The following ADAMTS19 variants were observed in gnomAD, a reference collection of about 807,000 sequenced individuals.
The protein encoded by ADAMTS19 is ADAM metallopeptidase with thrombospondin type 1 motif 19.
Under a neutral mutation model 153.3 loss-of-function variants are expected in ADAMTS19, and 93 were observed. The ratio of observed to expected loss-of-function variants is 0.61; its 90% CI spans 0.51 to 0.72. The LOEUF (loss-of-function observed/expected upper bound fraction) is 0.72, where lower values mean the gene tolerates loss of function less well. Ranked by LOEUF, ADAMTS19 falls within the 30% of genes least tolerant of loss-of-function variation. ADAMTS19 has a pLI of 0.00. For synonymous variants in ADAMTS19, 600 were observed against 556.6 expected, an observed-to-expected ratio of 1.08 and a Z score of -1.10; for missense variants, 1,482 against 1,552.1, an observed-to-expected ratio of 0.95 and a Z score of 0.76.
intron 15 of ADAMTS19, among the ~76,000 whole-genome samples, chr5:129,659,860 T>A (rs1216810846): frequency 6.6e-6 from 1 of 152,202 alleles, no homozygotes; most frequent in Non-Finnish European, 1.5e-5. Flanking sequence ...AGTGCTGAGA[T>A]TATAGGCATG....
In ADAMTS19 at chr5:129,651,078, T is replaced by C. The variant is rs77827053; in HGVS notation, c.2176+2108T>C. ...TGTGTTGTTAACACCTACCCGGCTTTCCTACTACATCTCTGGTATGTTCTC... is the reference window on the plus strand; with the variant it reads ...TGTGTTGTTAACACCTACCCGGCTTCCCTACTACATCTCTGGTATGTTCTC... On this transcript the variant is annotated intron_variant, in intron 13 of 22. Transcript: ENST00000274487. Among the ~76,000 whole-genome samples, 109 of 152,326 alleles carry C rather than the reference T, an allele frequency of 7.2e-4. 1 individual carries two copies. In the East Asian group the frequency reaches 0.02, roughly 28 times the overall value.
chr5:129,631,299 G>T (rs2127000756), intron 10 of ADAMTS19, among the ~76,000 whole-genome samples: 1 of 149,182 alleles, frequency 6.7e-6, no homozygotes, highest in East Asian at 2.0e-4. Flanking sequence ...CCAGGTGAAT[G>T]TTCTATATGC....
intron 8 of ADAMTS19, among the ~76,000 whole-genome samples, chr5:129,614,740 C>G (rs1361585345): frequency 6.6e-6 from 1 of 152,064 alleles, no homozygotes; most frequent in East Asian, 1.9e-4. Context: ...AAGAGGAAGT[C>G]AAATTGTCCC....
intron 8 of ADAMTS19, among the ~76,000 whole-genome samples, chr5:129,612,009 A>G (rs1216636012): frequency 6.6e-6 from 1 of 151,932 alleles, no homozygotes; most frequent in African/African-American, 2.4e-5. Flanking sequence ...GTTTTAGGGT[A>G]CATGTGCACA....
At chr5:129,697,083 T>G (rs1427818774) in intron 19 of ADAMTS19, among the ~76,000 whole-genome samples, 4 of 152,276 alleles carry the variant, frequency 2.6e-5, no homozygotes, top group South Asian at 4.1e-4. Flanking sequence ...TAAAATAGTT[T>G]GGTTTCTTTG....
chr5:129,660,047 G>C (rs1002278352), intron 15 of ADAMTS19, among the ~76,000 whole-genome samples: 3 of 152,176 alleles, frequency 2.0e-5, no homozygotes, highest in Non-Finnish European at 4.4e-5. Context: ...CGAGAAAACA[G>C]TTCATTCCAG....
intron 13 of ADAMTS19, among the ~76,000 whole-genome samples, chr5:129,651,614 T>C (rs1479613606): frequency 6.6e-6 from 1 of 152,166 alleles, no homozygotes; most frequent in Non-Finnish European, 1.5e-5. Flanking sequence ...TCTTTATTTA[T>C]TTACCTTGAA....
In ADAMTS19 at chr5:129,500,076, C is replaced by T. The variant is rs1751048856; in HGVS notation, c.748-9001C>T. On this transcript the variant is annotated intron_variant, in intron 2 of 22. Coordinates refer to ENST00000274487, the MANE Select transcript of ADAMTS19 (RefSeq NM_133638.6). ...TTCTGGTAAATTTAGTCACAAAATT[C>T]TGGATTTAATCTTTCAAGTATTTAT... Among the ~76,000 whole-genome samples, 3 of 152,176 alleles carry T rather than the reference C, an allele frequency of 2.0e-5. No homozygotes were observed. In the South Asian group the frequency reaches 6.2e-4, roughly 32 times the overall value.
At chr5:129,508,467 C>A (rs1052172693) in intron 2 of ADAMTS19, among the ~76,000 whole-genome samples, 1 of 151,840 alleles carries the variant, frequency 6.6e-6, no homozygotes, top group Non-Finnish European at 1.5e-5. Flanking sequence ...ACAGTTTCAA[C>A]CCTCTGTCTC....
intron 21 of ADAMTS19, among the ~76,000 whole-genome samples, chr5:129,710,054 C>A (rs1312584511): frequency 6.6e-6 from 1 of 151,832 alleles, no homozygotes; most frequent in Non-Finnish European, 1.5e-5. Flanking sequence ...TACTGGTTTG[C>A]CGCACTATCA....
rs374401005 is a variant in ADAMTS19 at position 129,683,358 on chromosome 5, G to A, written c.2665-762G>A. ...CCCTGCATATAGTTCAGTCCAACGTGTAGCCCCATATTCAGTCGTTTTCAT... is the reference window on the plus strand; with the variant it reads ...CCCTGCATATAGTTCAGTCCAACGTATAGCCCCATATTCAGTCGTTTTCAT... On this transcript the variant is annotated intron_variant, in intron 17 of 22. Transcript: ENST00000274487. 1.2e-4 allele frequency among the ~76,000 whole-genome samples: 19 copies of A among 152,038 alleles called. No homozygotes were observed. The South Asian group carries it at 4.0e-3, about 32-fold the overall frequency.
At chr5:129,703,705 C>T (rs960235192) in intron 20 of ADAMTS19, among the ~76,000 whole-genome samples, 10 of 152,096 alleles carry the variant, frequency 6.6e-5, no homozygotes, top group East Asian at 1.9e-4. Context: ...GCACTCCAAC[C>T]GGGGCGACAG....
chr5:129,638,422 T>C (rs1187913731), intron 10 of ADAMTS19, among the ~76,000 whole-genome samples: 1 of 152,116 alleles, frequency 6.6e-6, no homozygotes, highest in Non-Finnish European at 1.5e-5. Context: ...ATGCCCTCAT[T>C]TGTTATTCCT....
intron 7 of ADAMTS19, 100 bp downstream of exon 7, chr5:129,552,007 A>T: frequency 1.4e-6 from 1 of 727,476 alleles, no homozygotes; most frequent in East Asian, 3.1e-5. Flanking sequence ...ATAAAGGAAT[A>T]ACTTCAAAAT....
At chr5:129,652,730 T>C (rs1262832465) in intron 13 of ADAMTS19, among the ~76,000 whole-genome samples, 2 of 152,222 alleles carry the variant, frequency 1.3e-5, no homozygotes, top group Non-Finnish European at 2.9e-5. Flanking sequence ...GGAATATGAA[T>C]GGAATTTTCT....
intron 21 of ADAMTS19, among the ~76,000 whole-genome samples, chr5:129,714,039 T>G (rs1007285764): frequency 6.6e-6 from 1 of 152,192 alleles, no homozygotes; most frequent in Admixed American, 6.5e-5. Flanking sequence ...TAATCCAGTG[T>G]CAATGATGTG....
At chr5:129,721,159 A>G (rs975800167) in intron 21 of ADAMTS19, among the ~76,000 whole-genome samples, 3 of 152,214 alleles carry the variant, frequency 2.0e-5, no homozygotes, top group East Asian at 1.9e-4. Context: ...CATGTTTGCT[A>G]TGATTCACCG....
At chr5:129,614,226 A>G (rs958123777) in intron 8 of ADAMTS19, among the ~76,000 whole-genome samples, 1 of 152,148 alleles carries the variant, frequency 6.6e-6, no homozygotes, top group Non-Finnish European at 1.5e-5. Flanking sequence ...TGGCAGAGAC[A>G]CACAAAAAAA....
Position 129,658,659 on chromosome 5 carries a change from G to T in ADAMTS19, c.2347G>T (p.Asp783Tyr). ...DGLLGSLARE[D>Y]HCGVCNGNGK... Reference sequence around the variant, plus strand: ...TTTATTAGGGTCTCTTGCAAGAGAAGATCATTGTGGTGTATGCAATGGCAA... The same window carrying T: ...TTTATTAGGGTCTCTTGCAAGAGAATATCATTGTGGTGTATGCAATGGCAA... Residue 783 changes from aspartate to tyrosine, a missense_variant, in exon 15 of 23, where the codon GAT (aspartate) becomes TAT (tyrosine). Around this residue, in one of 2 missense-constraint regions of ADAMTS19, gnomAD observed 616 missense variants for 724.4 expected, o/e 0.85. Coordinates refer to ENST00000274487, the MANE Select transcript of ADAMTS19 (RefSeq NM_133638.6). The T allele has an allele frequency of 1.2e-6, 2 of 1,613,464 alleles. No individual in the cohort carries two copies. Among genetic ancestry groups the T allele is most frequent in the Non-Finnish European group, 1.7e-6 (2 of 1,179,658 alleles).
Sources: gnomAD v4.1 joint callset for allele counts (sites outside exome capture counted in the v4.1 genomes callset) on GRCh38, gnomAD v4.1.1 for gene constraint, gnomAD v4.1.1 regional missense constraint, MANE v1.5 for transcripts, NCBI Gene and HGNC (gene_info 2026-07-23, HGNC 2026-07-21) for gene names.